Variants in WNT2 observed in about 807,000 individuals in gnomAD.
The protein encoded by WNT2 is Wnt family member 2.
WNT2 carries 12 observed loss-of-function variants against 36.9 expected under a neutral mutation model. The ratio of observed to expected loss-of-function variants is 0.33; its 90% CI spans 0.21 to 0.53. WNT2 has a LOEUF of 0.53. Among genes scored for constraint, WNT2 ranks in the 20% least tolerant of loss-of-function variants. The probability of loss-of-function intolerance (pLI) is 0.95; values close to 1 mark genes in which losing one functional copy is unlikely to be tolerated. For synonymous variants in WNT2, 163 were observed against 174.6 expected, an observed-to-expected ratio of 0.93 and a Z score of 0.52; for missense variants, 379 against 473.1, an observed-to-expected ratio of 0.80 and a Z score of 1.84.
At chr7:117,281,979 C>T (rs1049616948) in intron 4 of WNT2, among the ~76,000 whole-genome samples, 2 of 151,878 alleles carry the variant, frequency 1.3e-5, no homozygotes, top group Non-Finnish European at 2.9e-5. Flanking sequence ...GAGAGTAGGG[C>T]CAAGAGTGGT....
chr7:117,313,606 T>G (rs1299935082), intron 3 of WNT2, among the ~76,000 whole-genome samples: 2 of 152,262 alleles, frequency 1.3e-5, no homozygotes, highest in East Asian at 3.8e-4. Context: ...ACAATATCTT[T>G]TATCTTTCCA....
chr7:117,279,519 T>G (rs1180804490), intron 4 of WNT2, among the ~76,000 whole-genome samples: 1 of 152,214 alleles, frequency 6.6e-6, no homozygotes, highest in Admixed American at 6.5e-5. Context: ...TTGGCAGCTG[T>G]ACACCATGGT....
Position 117,322,656 on chromosome 7 carries a change from C to G in WNT2, c.83+251G>C, listed in dbSNP as rs1795351989. On this transcript the variant is annotated intron_variant, in intron 1 of 4. Transcript: ENST00000265441. The surrounding 1 kb of genome is among the most constrained non-coding windows in gnomAD (Gnocchi z 5.4). Reference sequence around the variant, plus strand: ...TGATTTTGCTGTCGCTCAGCTGGATCCAAATAAACCAAACATCGGAGCTCT... The same window carrying G: ...TGATTTTGCTGTCGCTCAGCTGGATGCAAATAAACCAAACATCGGAGCTCT... 6.6e-6 allele frequency among the ~76,000 whole-genome samples: 1 copy of G among 151,994 alleles called. No homozygotes were observed. Among genetic ancestry groups the G allele is most frequent in the South Asian group, 2.1e-4 (1 of 4,830 alleles).
intron 3 of WNT2, chr7:117,300,918 G>C (rs1258712731): frequency 6.6e-6 from 1 of 152,278 alleles, no homozygotes; most frequent in Non-Finnish European, 1.5e-5. Flanking sequence ...CCGACAGGCA[G>C]CAAGCTGCAG....
intron 2 of WNT2, among the ~76,000 whole-genome samples, chr7:117,317,975 A>T (rs192481761): frequency 1.8e-4 from 27 of 152,258 alleles, no homozygotes; most frequent in Non-Finnish European, 3.1e-4. Context: ...TTCTTGCAGG[A>T]ATATTTTTAG....
At chr7:117,317,065 G>A (rs935200329) in intron 2 of WNT2, among the ~76,000 whole-genome samples, 4 of 152,092 alleles carry the variant, frequency 2.6e-5, no homozygotes, top group Non-Finnish European at 5.9e-5. Flanking sequence ...TTTAGAAGCC[G>A]GCGCCCATGT....
intron 3 of WNT2, among the ~76,000 whole-genome samples, chr7:117,310,819 C>CGTTT (rs1389403343): frequency 6.6e-6 from 1 of 152,190 alleles, no homozygotes; most frequent in Non-Finnish European, 1.5e-5. Context: ...CCAGCTCAAA[C>CGTTT]ACCCAGTTCT....
chr7:117,307,285 T>G (rs1795032692), intron 3 of WNT2, among the ~76,000 whole-genome samples: 1 of 152,196 alleles, frequency 6.6e-6, no homozygotes, highest in South Asian at 2.1e-4. Flanking sequence ...GCACTTTATA[T>G]TCACTATTTT....
chr7:117,278,370 C>T lies in WNT2; in HGVS notation c.868G>A (p.Ala290Thr). The T allele has an allele frequency of 6.2e-7, 1 of 1,613,644 alleles. No homozygotes were observed. Among genetic ancestry groups the T allele is most frequent in the African/African-American group, 1.3e-5 (1 of 75,064 alleles). ...RDREAGSLGT[A>T]GRVCNLTSRG... ...GAAGTCAGGTTGCACACACGGCCTG[C>T]TGTACCCAGGGAGCCTGGAAGACAA... Residue 290 changes from alanine to threonine, a missense_variant, in exon 5 of 5, where the codon GCA becomes ACA. Coordinates refer to ENST00000265441, the MANE Select transcript of WNT2 (RefSeq NM_003391.3).
chr7:117,316,213 C>G (rs1269520065), intron 2 of WNT2, among the ~76,000 whole-genome samples: 1 of 152,212 alleles, frequency 6.6e-6, no homozygotes, highest in Non-Finnish European at 1.5e-5. Context: ...GCACAGGCTA[C>G]TTTCACTTAC....
intron 2 of WNT2, among the ~76,000 whole-genome samples, chr7:117,316,227 C>T (rs183201322): frequency 1.8e-3 from 271 of 152,276 alleles, no homozygotes; most frequent in Middle Eastern, 6.8e-3. Flanking sequence ...CACTTACAGG[C>T]TGAAAGGTAC....
rs1296123090 is a variant in WNT2, at chr7:117,284,213, T to C, written c.854-5829A>G. ...TCCAGAGTGCAGAATCTATACAAAA[T>C]CGCTGGCATTACTTTCCCCTTAATG... On this transcript the variant is annotated intron_variant, in intron 4 of 4. Coordinates refer to ENST00000265441, the MANE Select transcript of WNT2 (RefSeq NM_003391.3). This position sits in a 1 kb window ranked among gnomAD's most constrained non-coding sequence, Gnocchi z 5.2. Among the ~76,000 whole-genome samples, 1 of 152,178 alleles carries C rather than the reference T, an allele frequency of 6.6e-6. No homozygotes were observed. The highest frequency in any genetic ancestry group is 1.5e-5 in the Non-Finnish European group (1 of 68,042).
At chr7:117,292,018 C>T (rs1377185618) in intron 4 of WNT2, among the ~76,000 whole-genome samples, 1 of 152,114 alleles carries the variant, frequency 6.6e-6, no homozygotes, top group East Asian at 1.9e-4. Context: ...CTCAGGTGAG[C>T]CGCCCTCCTC....
intron 2 of WNT2, among the ~76,000 whole-genome samples, chr7:117,315,757 A>G (rs565983510): frequency 5.3e-5 from 8 of 152,310 alleles, no homozygotes; most frequent in African/African-American, 1.9e-4. Flanking sequence ...TCATTCCACA[A>G]TATAGTTGGG....
Position 117,297,642 on chromosome 7 carries a change from G to C in WNT2, c.823C>G (p.Pro275Ala). 1 of 1,613,852 alleles carries C rather than the reference G, an allele frequency of 6.2e-7. No homozygotes were observed. Among genetic ancestry groups the C allele is most frequent in the Non-Finnish European group, 8.5e-7 (1 of 1,179,762 alleles). ...TCTCGGTCCCTGATACAGTAGTCTG[G>C]AGAATTCTCAAAATACACGAGGTCA... is the stretch of plus-strand genomic sequence containing the variant. ...KNDLVYFENS[P>A]DYCIRDREAG... The change falls in exon 4 of 5, where the codon CCA becomes GCA. Residue 275 changes from proline to alanine, a missense_variant. Transcript: ENST00000265441.
chr7:117,287,563 T>C (rs1178724103), intron 4 of WNT2, among the ~76,000 whole-genome samples: 1 of 152,210 alleles, frequency 6.6e-6, no homozygotes, highest in Non-Finnish European at 1.5e-5. Context: ...TGATCATTTT[T>C]TCATGCATCT....
At chr7:117,309,237 A>G (rs1229099891) in intron 3 of WNT2, among the ~76,000 whole-genome samples, 1 of 152,126 alleles carries the variant, frequency 6.6e-6, no homozygotes, top group Admixed American at 6.5e-5. Context: ...GCTTGCTTGT[A>G]AAGTTTTACT....
intron 4 of WNT2, among the ~76,000 whole-genome samples, chr7:117,282,722 C>T (rs1794512135): frequency 6.6e-6 from 1 of 152,012 alleles, no homozygotes; most frequent in Non-Finnish European, 1.5e-5. Flanking sequence ...CTATTAAGGG[C>T]CTTCACACAA....
Position 117,278,176 on chromosome 7 carries a change from A to T in WNT2, c.1062T>A (p.Ala354=). The T allele has an allele frequency of 6.2e-7, 1 of 1,614,222 alleles. No homozygotes were observed. Among genetic ancestry groups the T allele is most frequent in the Non-Finnish European group, 8.5e-7 (1 of 1,180,030 alleles). ...DVHTCKAPKN[A]DWTTAT ...GGGGTCATGTAGCGGTTGTCCAGTC[A>T]GCGTTCTTGGGGGCCTTGCATGTGT... The change falls in exon 5 of 5, where the codon GCT becomes GCA. Residue 354 remains alanine (A), a synonymous_variant. Coordinates refer to ENST00000265441, the MANE Select transcript of WNT2 (RefSeq NM_003391.3).
Sources: allele counts gnomAD v4.1 joint callset (sites outside exome capture counted in the v4.1 genomes callset), GRCh38; gene constraint gnomAD v4.1.1; non-coding constraint Gnocchi (gnomAD v3.1); transcripts MANE v1.5; gene names NCBI Gene and HGNC (gene_info 2026-07-23, HGNC 2026-07-21).